Variants in AGBL4 observed in about 807,000 individuals in gnomAD.
The protein encoded by AGBL4 is cytosolic carboxypeptidase 6.
AGBL4 carries 58 observed loss-of-function variants against 66.4 expected under a neutral mutation model. The observed-to-expected ratio is 0.87, with a 90% confidence interval of 0.71 to 1.09. The LOEUF is 1.09. Ranked by LOEUF, AGBL4 falls within the 50% of genes least tolerant of loss-of-function variation. The pLI is 0.00. For synonymous variants in AGBL4, 234 were observed against 222.9 expected, an observed-to-expected ratio of 1.05 and a Z score of -0.44; for missense variants, 579 against 631.0, an observed-to-expected ratio of 0.92 and a Z score of 0.88.
chr1:49,299,785 T>C lies in AGBL4; in HGVS notation c.283-53921A>G, dbSNP rs1644709867. 2.0e-5 allele frequency among the ~76,000 whole-genome samples: 3 copies of C among 152,186 alleles called. No homozygotes were observed. The South Asian group carries it at 6.2e-4, about 31-fold the overall frequency. On this transcript the variant is annotated intron_variant, in intron 3 of 13. Coordinates refer to ENST00000371839, the MANE Select transcript of AGBL4 (RefSeq NM_032785.4). ...ATGTAATCTAGAGGTTTTCTGTAGA[T>C]GTTCTCCATCAAGTTGAGGAACTTT...
chr1:48,818,058 T>C (rs951205386), intron 6 of AGBL4: 26 of 710,334 alleles, frequency 3.7e-5, no homozygotes, highest in Non-Finnish European at 5.2e-5. Flanking sequence ...GATAGTCAAA[T>C]TTGGAAAGGC....
intron 6 of AGBL4, among the ~76,000 whole-genome samples, chr1:48,841,412 C>G (rs370473089): frequency 1.5e-5 from 1 of 65,972 alleles, no homozygotes; most frequent in Non-Finnish European, 3.1e-5. Flanking sequence ...CCCCCCCCCC[C>G]AAAAAAAAAG....
At chr1:49,876,124 G>A (rs1478629438) in intron 1 of AGBL4, among the ~76,000 whole-genome samples, 1 of 149,734 alleles carries the variant, frequency 6.7e-6, no homozygotes, top group Admixed American at 6.7e-5. Context: ...TCACTCTGAC[G>A]GTAGTTTCTT....
At position 49,754,485 on chromosome 1, in the gene AGBL4, C is replaced by T. The variant is rs118041658; in HGVS notation, c.158-57048G>A. ...TCTGCTGGATTTTGCTGTAAGTCCACTCCAGGCCCTGTTTGCCTGGATGTC... is the reference window on the plus strand; with the variant it reads ...TCTGCTGGATTTTGCTGTAAGTCCATTCCAGGCCCTGTTTGCCTGGATGTC... On this transcript the variant is annotated intron_variant, in intron 2 of 13. Transcript: ENST00000371839. 4.2e-4 allele frequency among the ~76,000 whole-genome samples: 64 copies of T among 152,232 alleles called. No individual in the cohort carries two copies. In the East Asian group the frequency reaches 6.6e-3, roughly 16 times the overall value.
At chr1:48,901,903 GA>G (rs1652117520) in intron 5 of AGBL4, among the ~76,000 whole-genome samples, 1 of 152,232 alleles carries the variant, frequency 6.6e-6, no homozygotes, top group African/African-American at 2.4e-5. Flanking sequence ...ATTTACAAAA[GA>G]AAGAAGTTTG....
chr1:49,975,612 T>C (rs1471426527), intron 1 of AGBL4, among the ~76,000 whole-genome samples: 1 of 152,166 alleles, frequency 6.6e-6, no homozygotes, highest in African/African-American at 2.4e-5. Flanking sequence ...CCACTTCCCA[T>C]ATTGGAAATA....
At chr1:49,252,980 C>G (rs1418163136) in intron 3 of AGBL4, among the ~76,000 whole-genome samples, 1 of 152,164 alleles carries the variant, frequency 6.6e-6, no homozygotes, top group Non-Finnish European at 1.5e-5. Flanking sequence ...GCCAGTGACA[C>G]TACCAAGCAA....
chr1:48,698,207 G>C (rs1646744985), intron 6 of AGBL4, among the ~76,000 whole-genome samples: 1 of 152,218 alleles, frequency 6.6e-6, no homozygotes, highest in Non-Finnish European at 1.5e-5. Flanking sequence ...TGGTTACCAG[G>C]CTTGGGGCCA....
chr1:49,738,147 C>T (rs1008292978), intron 2 of AGBL4, among the ~76,000 whole-genome samples: 4 of 152,250 alleles, frequency 2.6e-5, no homozygotes, highest in African/African-American at 7.2e-5. Context: ...TAGGGAATTC[C>T]CTTTCCTAGC....
At position 48,970,168 on chromosome 1, in the gene AGBL4, T is replaced by C. The variant is rs116169576; in HGVS notation, c.594+75416A>G. On this transcript the variant is annotated intron_variant, in intron 5 of 13. Coordinates refer to ENST00000371839, the MANE Select transcript of AGBL4 (RefSeq NM_032785.4). ...TAAGCAGTAGACTTAATTGCTGTTA[T>C]TAATGAGGTCAGCACCAGAAAGGAG... Among the ~76,000 whole-genome samples, 346 of 152,262 alleles carry C rather than the reference T, an allele frequency of 2.3e-3. 2 individuals are homozygous for C. The highest frequency in any genetic ancestry group is 7.7e-3 in the African/African-American group (320 of 41,542).
intron 6 of AGBL4, among the ~76,000 whole-genome samples, chr1:48,681,619 G>C (rs1002654172): frequency 2.0e-5 from 3 of 152,186 alleles, no homozygotes; most frequent in Non-Finnish European, 4.4e-5. Flanking sequence ...GTCCTTGATG[G>C]AATCAGCCCA....
intron 2 of AGBL4, among the ~76,000 whole-genome samples, chr1:49,798,218 T>C (rs1644777955): frequency 6.6e-6 from 1 of 152,208 alleles, no homozygotes; most frequent in Non-Finnish European, 1.5e-5. Flanking sequence ...TGCTATGAAG[T>C]GAAAATGTTA....
At chr1:49,072,150 A>G (rs973380078) in intron 4 of AGBL4, among the ~76,000 whole-genome samples, 2 of 152,030 alleles carry the variant, frequency 1.3e-5, no homozygotes, top group Non-Finnish European at 2.9e-5. Context: ...TGCACATAAG[A>G]TGGGTCTCCT....
chr1:48,852,818 G>C (rs1647063244), intron 6 of AGBL4, among the ~76,000 whole-genome samples: 1 of 152,126 alleles, frequency 6.6e-6, no homozygotes, highest in South Asian at 2.1e-4. Flanking sequence ...GCCATATCTT[G>C]GGAAAAAGAA....
At chr1:50,002,158 A>AT (rs1376527469) in intron 1 of AGBL4, among the ~76,000 whole-genome samples, 1 of 152,076 alleles carries the variant, frequency 6.6e-6, no homozygotes. Context: ...GCATGGCTCC[A>AT]TTAAACAAGA....
At chr1:49,184,254 A>T (rs756007549) in intron 4 of AGBL4, among the ~76,000 whole-genome samples, 5 of 152,114 alleles carry the variant, frequency 3.3e-5, no homozygotes, top group African/African-American at 4.8e-5. Flanking sequence ...TAGAATTGGG[A>T]TTTCATACAT....
chr1:48,589,371 T>G (rs1269239858), intron 10 of AGBL4, among the ~76,000 whole-genome samples: 1 of 152,196 alleles, frequency 6.6e-6, no homozygotes, highest in Non-Finnish European at 1.5e-5. Context: ...TCTCCACTAA[T>G]GTCCTGGCTT....
rs1033179298 is a variant in AGBL4, at chr1:49,169,140, A to G, written c.377+76630T>C. 2.6e-5 allele frequency among the ~76,000 whole-genome samples: 4 copies of G among 152,176 alleles called. No homozygotes were observed. In the South Asian group the frequency reaches 8.3e-4, roughly 32 times the overall value. On this transcript the variant is annotated intron_variant, in intron 4 of 13. Coordinates refer to ENST00000371839, the MANE Select transcript of AGBL4 (RefSeq NM_032785.4). Reference sequence around the variant, plus strand: ...ATTAGCATAAGTTTTTGCCTCAGGGAAGCCAAGTAGCATTTTAGACTAGCA... The same window carrying G: ...ATTAGCATAAGTTTTTGCCTCAGGGGAGCCAAGTAGCATTTTAGACTAGCA...
chr1:49,711,165 T>C (rs1302554276), intron 2 of AGBL4, among the ~76,000 whole-genome samples: 2 of 152,104 alleles, frequency 1.3e-5, no homozygotes, highest in Non-Finnish European at 2.9e-5. Flanking sequence ...AAAAGGACGA[T>C]CACTTTGCAA....
Sources: allele counts gnomAD v4.1 joint callset (sites outside exome capture counted in the v4.1 genomes callset), GRCh38; gene constraint gnomAD v4.1.1; transcripts MANE v1.5; gene names NCBI Gene and HGNC (gene_info 2026-07-23, HGNC 2026-07-21).